CNDP2: variants seen among roughly 807,000 people sequenced by gnomAD.
CNDP2 encodes the protein carnosine dipeptidase 2.
In CNDP2, 38 loss-of-function variants were observed where a neutral mutation model predicts 55.0. The observed-to-expected ratio is 0.69, with a 90% CI of 0.53 to 0.90. The LOEUF (loss-of-function observed/expected upper bound fraction) is 0.90. CNDP2 is among the 40% of genes least tolerant of loss of function. CNDP2 has a pLI of 0.00. For missense variants in CNDP2, 607 were observed against 621.7 expected (o/e 0.98, Z 0.25); for synonymous variants, 241 against 260.2 (o/e 0.93, Z 0.71).
chr18:74,513,472 C>G, intron 7 of CNDP2, 87 bp from the exon 8 acceptor site: 1 of 1,399,032 alleles, frequency 7.1e-7, no homozygotes, highest in Non-Finnish European at 9.5e-7. Context: ...TCTCCTGAGC[C>G]TGGCTTCCTG....
In CNDP2 at chr18:74,519,032, G is replaced by A. The variant is rs113582841; in HGVS notation, c.1294G>A (p.Val432Ile). The change falls in exon 11 of 12, where the codon GTC becomes ATC. Residue 432 changes from valine to isoleucine, a missense_variant. Coordinates refer to ENST00000324262, the MANE Select transcript of CNDP2 (RefSeq NM_018235.3). ...LTFQEATGKN[V>I]MLLPVGSADD... ...CTTTCAGGAGGCCACGGGCAAGAAC[G>A]TCATGCTGCTGCCTGTGGGGTCAGC... The A allele has an allele frequency of 1.3e-5, 21 of 1,613,964 alleles. 1 individual carries two copies. In the Middle Eastern group the frequency reaches 5.0e-4, roughly 38 times the overall value.
chr18:74,518,982 G>GTCA lies in CNDP2; in HGVS notation c.1244_1245insTCA (p.Gly415_Gly416insHis), dbSNP rs1979890868. The GTCA allele has an allele frequency of 6.2e-7, 1 of 1,614,184 alleles. No homozygotes were observed. Among genetic ancestry groups the GTCA allele is most frequent in the Non-Finnish European group, 8.5e-7 (1 of 1,180,026 alleles). ...GTTGAGCCAGACTTGACCAGGGAAG[G>GTCA]CGGCAGTATTCCCGTGACCTTGACC... On this transcript the variant is annotated inframe_insertion, in exon 11 of 12. Transcript: ENST00000324262.
At chr18:74,507,674 C>G (rs1235270176) in intron 4 of CNDP2, 1 of 152,960 alleles carries the variant, frequency 6.5e-6, no homozygotes, top group Admixed American at 6.5e-5. Context: ...GCTGCCTCGT[C>G]CTCTGTGAGG....
In CNDP2 at chr18:74,513,635, G is replaced by A. The variant is rs772190976; in HGVS notation, c.819G>A (p.Glu273=). Residue 273 remains glutamate, a synonymous_variant, in exon 8 of 12, where the codon GAG becomes GAA. Transcript: ENST00000324262. ...CCGTGGCCGCCGTCACGGAAGAGGA[G>A]CACAAGCTGTACGACGACATCGACT... The part of the protein sequence containing the change: ...NEAVAAVTEE[E]HKLYDDIDFD... 6.2e-7 allele frequency: 1 copy of A among 1,614,096 alleles called. No homozygotes were observed. The highest frequency in any genetic ancestry group is 2.2e-5 in the East Asian group (1 of 44,870).
chr18:74,503,943 G>A (rs1463471221), intron 3 of CNDP2, among the ~76,000 whole-genome samples: 4 of 151,346 alleles, frequency 2.6e-5, no homozygotes, highest in Non-Finnish European at 4.4e-5. Flanking sequence ...AATGAGGGGC[G>A]TCAGGCCATA....
intron 4 of CNDP2, chr18:74,507,703 C>T (rs1449527797): frequency 1.3e-5 from 2 of 152,768 alleles, no homozygotes; most frequent in African/African-American, 4.8e-5. Flanking sequence ...CAGCCATCCT[C>T]TTAGCCCTCC....
chr18:74,517,468 G>C (rs996540312), intron 9 of CNDP2: 2 of 152,142 alleles, frequency 1.3e-5, no homozygotes, highest in African/African-American at 4.8e-5. Context: ...ACTGAGCCTC[G>C]GTGTAAGAGC....
Position 74,520,868 on chromosome 18 carries a change from G to A in CNDP2, c.*800G>A, listed in dbSNP as rs1307654602. The A allele has an allele frequency of 5.3e-5, 8 of 152,202 alleles. No individual in the cohort carries two copies. The highest frequency in any genetic ancestry group is 8.8e-5 in the Non-Finnish European group (6 of 68,044). 9.4% of individuals were successfully genotyped at this position (152,202 alleles called of 1,614,324 possible). A position where few individuals can be genotyped will look rare whatever the true frequency, so the allele number is the denominator to read the frequency against. ...TTGTCATTGAATTGGGATAAACAGAGAGCTTGATGCTTTCTGCCTTCTGTC... is the reference window on the plus strand; with the variant it reads ...TTGTCATTGAATTGGGATAAACAGAAAGCTTGATGCTTTCTGCCTTCTGTC... On this transcript the variant is annotated 3_prime_UTR_variant, in exon 12 of 12. Transcript: ENST00000324262.
At chr18:74,499,844 C>A in intron 1 of CNDP2, 38 bp from the exon 2 acceptor site, 1 of 703,386 alleles carries the variant, frequency 1.4e-6, no homozygotes, top group Non-Finnish European at 2.4e-6. Context: ...GAGGGTGGGG[C>A]AACAATTTAC....
intron 2 of CNDP2, 70 bp from the exon 3 acceptor site, chr18:74,501,259 C>G: frequency 6.5e-7 from 1 of 1,550,094 alleles, no homozygotes; most frequent in Non-Finnish European, 8.7e-7. Flanking sequence ...AATGTGGCAA[C>G]GTTACGGGAG....
chr18:74,518,434 C>T (rs942719196), intron 9 of CNDP2, 65 bp from the exon 10 acceptor site: 1 of 1,595,198 alleles, frequency 6.3e-7, no homozygotes, highest in African/African-American at 1.3e-5. Flanking sequence ...ACCCGTAGGT[C>T]ACTAGCACTG....
intron 1 of CNDP2, among the ~76,000 whole-genome samples, chr18:74,498,542 G>A (rs937628920): frequency 1.3e-5 from 2 of 152,192 alleles, no homozygotes; most frequent in African/African-American, 2.4e-5. Flanking sequence ...ATGTACCACA[G>A]TGAGCTTGGG....
chr18:74,518,594 C>G lies in CNDP2; in HGVS notation c.1164C>G (p.Asp388Glu). 6.2e-7 allele frequency: 1 copy of G among 1,614,226 alleles called. No individual in the cohort carries two copies. The highest frequency in any genetic ancestry group is 8.5e-7 in the Non-Finnish European group (1 of 1,180,050). ...MGHGGKPWVS[D>E]FSHPHYLAGR... ...ACGGTGGGAAGCCCTGGGTCTCCGA[C>G]TTCAGTCACCCTCATTACCTGGCTG... The change falls in exon 10 of 12, where the codon GAC becomes GAG. Residue 388 changes from aspartate (D) to glutamate (E), a missense_variant. Transcript: ENST00000324262.
chr18:74,498,056 G>C (rs1978503063), intron 1 of CNDP2: 1 of 152,130 alleles, frequency 6.6e-6, no homozygotes, highest in Non-Finnish European at 1.5e-5. Context: ...ATTAACAGGA[G>C]TTGCTTTTTA....
At chr18:74,514,071 G>A (rs993308916) in intron 8 of CNDP2, among the ~76,000 whole-genome samples, 6 of 152,204 alleles carry the variant, frequency 3.9e-5, no homozygotes, top group African/African-American at 1.4e-4. Flanking sequence ...GGTGGAAACT[G>A]TGCCGAACGT....
chr18:74,506,155 A>G, intron 4 of CNDP2, 144 bp downstream of exon 4: 1 of 721,114 alleles, frequency 1.4e-6, no homozygotes, highest in Non-Finnish European at 1.9e-6. Context: ...TTTTTTTGAG[A>G]CAGAGTCTCA....
chr18:74,496,857 C>T (rs1978442622), intron 1 of CNDP2, among the ~76,000 whole-genome samples: 1 of 152,188 alleles, frequency 6.6e-6, no homozygotes, highest in Non-Finnish European at 1.5e-5. Context: ...CAGCCTTTCT[C>T]CAACGGATCC....
intron 10 of CNDP2, 52 bp from the exon 11 acceptor site, chr18:74,518,897 C>G: frequency 1.2e-6 from 2 of 1,609,582 alleles, no homozygotes; most frequent in South Asian, 2.2e-5. Context: ...AGACAGATCC[C>G]CAGCCTTAGG....
intron 3 of CNDP2, 139 bp from the exon 4 acceptor site, chr18:74,505,710 A>G (rs1978973648): frequency 1.2e-6 from 1 of 845,962 alleles, no homozygotes; most frequent in Non-Finnish European, 1.8e-6. Context: ...TCCATTGAAC[A>G]GTGTGCTCTT....
Sources: allele counts gnomAD v4.1 joint callset (sites outside exome capture counted in the v4.1 genomes callset), GRCh38; gene constraint gnomAD v4.1.1; transcripts MANE v1.5; gene names NCBI Gene and HGNC (gene_info 2026-07-23, HGNC 2026-07-21).